Variants in MTUS2 observed in about 807,000 individuals in gnomAD.
MTUS2 encodes microtubule associated scaffold protein 2.
Under a neutral mutation model 114.1 loss-of-function variants are expected in MTUS2, and 40 were observed. The ratio of observed to expected loss-of-function variants is 0.35; its 90% CI spans 0.27 to 0.46. MTUS2 has a LOEUF of 0.46. MTUS2 is among the 20% of genes least tolerant of loss of function. MTUS2 has a pLI of 1.00. For missense variants in MTUS2, 1,679 were observed against 1,705.4 expected (o/e 0.98, Z 0.27); for synonymous variants, 688 against 672.0 (o/e 1.02, Z -0.37).
intron 2 of MTUS2, among the ~76,000 whole-genome samples, chr13:28,977,387 T>A (rs1884162767): frequency 6.6e-6 from 1 of 152,206 alleles, no homozygotes; most frequent in Non-Finnish European, 1.5e-5. Flanking sequence ...TCAGCAGTTA[T>A]AATCAGCTGC....
At chr13:29,263,519 G>A (rs1484056339) in intron 5 of MTUS2, among the ~76,000 whole-genome samples, 3 of 152,156 alleles carry the variant, frequency 2.0e-5, no homozygotes, top group South Asian at 2.1e-4. Flanking sequence ...AATAAAGAAA[G>A]GGGGTTTAAT....
chr13:29,067,062 G>A (rs561305055), intron 4 of MTUS2, among the ~76,000 whole-genome samples: 8 of 152,280 alleles, frequency 5.3e-5, no homozygotes, highest in Admixed American at 2.6e-4. Context: ...ATAGGATTGG[G>A]GGTGGTGGAA....
At chr13:29,055,095 T>A (rs1176389217) in intron 4 of MTUS2, among the ~76,000 whole-genome samples, 2 of 152,100 alleles carry the variant, frequency 1.3e-5, no homozygotes, top group African/African-American at 2.4e-5. Flanking sequence ...TATTATTTTT[T>A]AAAAAATTTG....
At chr13:29,252,369 A>G (rs1371833242) in intron 5 of MTUS2, among the ~76,000 whole-genome samples, 3 of 152,122 alleles carry the variant, frequency 2.0e-5, no homozygotes, top group African/African-American at 4.8e-5. Flanking sequence ...CCAAATGATA[A>G]TAAGATGTAC....
At position 29,278,908 on chromosome 13, in the gene MTUS2, C is replaced by T. The variant is rs114819073; in HGVS notation, c.2645-2796C>T. On this transcript the variant is annotated intron_variant, in intron 5 of 15. Transcript: ENST00000612955. ...ACCTCAATCCTTTCCTTTCTTCTCA[C>T]GTCGAGCAGCCCATCTGATATTAAT... is the stretch of plus-strand genomic sequence containing the variant. 2.4e-3 allele frequency among the ~76,000 whole-genome samples: 361 copies of T among 152,250 alleles called. 1 individual carries two copies. The highest frequency in any genetic ancestry group is 7.8e-3 in the African/African-American group (323 of 41,544).
intron 5 of MTUS2, among the ~76,000 whole-genome samples, chr13:29,167,702 C>T (rs767246826): frequency 1.3e-5 from 2 of 151,944 alleles, no homozygotes; most frequent in Admixed American, 1.3e-4. Context: ...CAAAATGCTC[C>T]AAAATCCAAA....
intron 9 of MTUS2, among the ~76,000 whole-genome samples, chr13:29,453,161 G>C (rs901241247): frequency 6.6e-6 from 1 of 152,222 alleles, no homozygotes; most frequent in Admixed American, 6.5e-5. Context: ...GTGTCTGAGA[G>C]AAGATAATAA....
In MTUS2 at chr13:29,505,481, C is replaced by G. The variant is rs912814162; in HGVS notation, c.*2275C>G. On this transcript the variant is annotated 3_prime_UTR_variant, in exon 16 of 16. Coordinates refer to ENST00000612955, the MANE Select transcript of MTUS2 (RefSeq NM_001033602.4). ...TTTGTTTGTTTTTTTTCTTTTGTTACGGACACCCATCATGTATGGCTCCTC... is the reference window on the plus strand; with the variant it reads ...TTTGTTTGTTTTTTTTCTTTTGTTAGGGACACCCATCATGTATGGCTCCTC... 18 of 217,186 alleles carry G rather than the reference C, an allele frequency of 8.3e-5. 1 individual carries two copies. In the South Asian group the frequency reaches 2.7e-3, roughly 32 times the overall value. 13.5% of individuals were successfully genotyped at this position (217,186 alleles called of 1,614,324 possible).
At chr13:29,106,284 T>A (rs911461300) in intron 5 of MTUS2, among the ~76,000 whole-genome samples, 6 of 152,226 alleles carry the variant, frequency 3.9e-5, no homozygotes, top group African/African-American at 1.4e-4. Flanking sequence ...CAAAACCTTC[T>A]CTGGAAGTTG....
chr13:29,196,435 AT>A (rs67580981), intron 5 of MTUS2, among the ~76,000 whole-genome samples: 125,708 of 151,306 alleles, frequency 0.83, 52,361 homozygotes, highest in African/African-American at 0.89. Context: ...TTTTTCCTCA[AT>A]TTTTTTTTTG....
chr13:29,478,125 A>T (rs1213343916), intron 9 of MTUS2, among the ~76,000 whole-genome samples: 1 of 152,200 alleles, frequency 6.6e-6, no homozygotes, highest in Non-Finnish European at 1.5e-5. Flanking sequence ...AAGTCAAGGA[A>T]AGACTGAGGA....
Position 29,235,881 on chromosome 13 carries a change from A to AT in MTUS2, c.2645-45817dup, listed in dbSNP as rs1457169997. On this transcript the variant is annotated intron_variant, in intron 5 of 15. Coordinates refer to ENST00000612955, the MANE Select transcript of MTUS2 (RefSeq NM_001033602.4). ...AATAACTGGCAACTTTCTCAATGAT[A>AT]TTTTTTGCTTTTTAGCCTACTAAGG... 5.9e-5 allele frequency among the ~76,000 whole-genome samples: 9 copies of AT among 152,272 alleles called. No individual in the cohort carries two copies. In the South Asian group the frequency reaches 1.9e-3, roughly 32 times the overall value.
rs1593285637 is a variant in MTUS2, at chr13:29,307,764, C to G, written c.2807-16849C>G. On this transcript the variant is annotated intron_variant, in intron 6 of 15. Transcript: ENST00000612955. ...GCAACAGGGTGATGGACCTCATGGCCCACATGTCCTCCAAGGAGTAAGACC... is the reference window on the plus strand; with the variant it reads ...GCAACAGGGTGATGGACCTCATGGCGCACATGTCCTCCAAGGAGTAAGACC... The G allele has an allele frequency of 5.7e-6, 6 of 1,051,330 alleles. No individual in the cohort carries two copies. In the East Asian group the frequency reaches 1.2e-4, roughly 21 times the overall value. 65.1% of individuals were successfully genotyped at this position (1,051,330 alleles called of 1,614,324 possible).
intron 5 of MTUS2, among the ~76,000 whole-genome samples, chr13:29,182,697 A>AGT (rs1330622593): frequency 6.6e-6 from 1 of 152,244 alleles, no homozygotes; most frequent in African/African-American, 2.4e-5. Context: ...AGTACATGCT[A>AGT]GTGTGTGATA....
intron 7 of MTUS2, among the ~76,000 whole-genome samples, chr13:29,332,023 T>C (rs1269486211): frequency 6.6e-6 from 1 of 152,192 alleles, no homozygotes; most frequent in Non-Finnish European, 1.5e-5. Flanking sequence ...AAATTTTCTT[T>C]TTTTGTTGTG....
chr13:29,429,475 G>A (rs2138633332), intron 8 of MTUS2, among the ~76,000 whole-genome samples: 1 of 152,348 alleles, frequency 6.6e-6, no homozygotes, highest in South Asian at 2.1e-4. Flanking sequence ...GAGTCTGAGG[G>A]TGTGTTCAAG....
intron 8 of MTUS2, 78 bp from the exon 9 acceptor site, chr13:29,439,905 A>G: frequency 3.7e-6 from 4 of 1,090,480 alleles, no homozygotes; most frequent in Non-Finnish European, 5.5e-6. Context: ...GCTTAATACG[A>G]TTCATTAATT....
At chr13:28,844,029 A>G (rs543666086) in intron 2 of MTUS2, among the ~76,000 whole-genome samples, 56 of 152,378 alleles carry the variant, frequency 3.7e-4, no homozygotes, top group African/African-American at 1.3e-3. Context: ...TTATCACAGG[A>G]ATTACAGAAT....
intron 2 of MTUS2, among the ~76,000 whole-genome samples, chr13:29,016,527 C>T (rs1000360493): frequency 1.3e-5 from 2 of 152,054 alleles, no homozygotes; most frequent in Admixed American, 1.3e-4. Context: ...TACCCCCTTT[C>T]CTGGTCCTCT....
Sources: gnomAD v4.1 joint callset for allele counts (sites outside exome capture counted in the v4.1 genomes callset) on GRCh38, gnomAD v4.1.1 for gene constraint, MANE v1.5 for transcripts, NCBI Gene and HGNC (gene_info 2026-07-23, HGNC 2026-07-21) for gene names.